Variants in RNF125 observed in about 807,000 individuals in gnomAD.
RNF125 encodes E3 ubiquitin-protein ligase RNF125.
Under a neutral mutation model 26.0 loss-of-function variants are expected in RNF125, and 21 were observed. The ratio of observed to expected loss-of-function variants is 0.81; its 90% CI spans 0.57 to 1.16. The LOEUF (loss-of-function observed/expected upper bound fraction) is 1.16, where lower values mean the gene tolerates loss of function less well. Among genes scored for constraint, RNF125 ranks in the 50% most tolerant of loss-of-function variants. The pLI, the probability that RNF125 is intolerant of heterozygous loss-of-function variation, is 0.00. For missense variants in RNF125, 270 were observed against 299.4 expected (o/e 0.90, Z 0.72); for synonymous variants, 95 against 109.2 (o/e 0.87, Z 0.81).
At chr18:32,074,796 G>A (rs1388041119), downstream of RNF125, among the ~76,000 whole-genome samples, 1 of 152,178 alleles carries the variant, frequency 6.6e-6, no homozygotes, top group Non-Finnish European at 1.5e-5. Flanking sequence ...GCCTGCCTTG[G>A]CCTCCCAAAG....
intron 4 of RNF125, among the ~76,000 whole-genome samples, chr18:32,064,559 TCACA>T (rs34510070): frequency 1.3e-5 from 2 of 150,296 alleles, no homozygotes; most frequent in Admixed American, 6.7e-5. Context: ...CCAAACTATA[TCACA>T]CACACACACA....
downstream of RNF125, among the ~76,000 whole-genome samples, chr18:32,075,065 T>C (rs903942206): frequency 2.6e-5 from 4 of 152,236 alleles, no homozygotes; most frequent in African/African-American, 9.6e-5. Flanking sequence ...ATACTTGTTA[T>C]AATTACACTT....
At chr18:32,089,390 G>A in the RNF125 span, among the ~76,000 whole-genome samples, 1 of 152,194 alleles carries the variant, frequency 6.6e-6, no homozygotes, top group Non-Finnish European at 1.5e-5. Context: ...GAAGCCCACT[G>A]AGAGGGACTG....
chr18:32,027,867 CT>C (rs1236030466), intron 1 of RNF125, among the ~76,000 whole-genome samples: 1 of 151,784 alleles, frequency 6.6e-6, no homozygotes, highest in East Asian at 1.9e-4. Context: ...ATGCTTGATG[CT>C]TTTATACTTG....
intron 4 of RNF125, among the ~76,000 whole-genome samples, chr18:32,047,618 A>C (rs2039284677): frequency 6.6e-6 from 1 of 152,230 alleles, no homozygotes; most frequent in Admixed American, 6.5e-5. Flanking sequence ...ACAAATATAA[A>C]ATGATACTTT....
intron 1 of RNF125, among the ~76,000 whole-genome samples, chr18:32,022,463 GA>G (rs1464493943): frequency 1.3e-5 from 2 of 152,120 alleles, no homozygotes; most frequent in African/African-American, 2.4e-5. Flanking sequence ...AACAAGGGGG[GA>G]AAAGCTTACA....
At position 32,059,586 on chromosome 18, in the gene RNF125, A is replaced by G. The variant is rs537314911; in HGVS notation, c.505-6316A>G. 2.8e-3 allele frequency among the ~76,000 whole-genome samples: 419 copies of G among 152,100 alleles called. 2 individuals carry two copies. Among genetic ancestry groups the G allele is most frequent in the African/African-American group, 9.8e-3 (407 of 41,484 alleles). On this transcript the variant is annotated intron_variant, in intron 4 of 5. Coordinates refer to ENST00000217740, the MANE Select transcript of RNF125 (RefSeq NM_017831.4). Reference sequence around the variant, plus strand: ...ATTCTGTGGGTTGTCTCTTCACTTTATTGATTGTTTCCTTTGCTGTGCTGA... The same window carrying G: ...ATTCTGTGGGTTGTCTCTTCACTTTGTTGATTGTTTCCTTTGCTGTGCTGA...
intron 1 of RNF125, among the ~76,000 whole-genome samples, chr18:32,029,573 T>G (rs1315944965): frequency 6.6e-6 from 1 of 151,802 alleles, no homozygotes; most frequent in East Asian, 1.9e-4. Context: ...TGAGCAGTGA[T>G]TGCACCACTG....
intron 1 of RNF125, among the ~76,000 whole-genome samples, chr18:32,033,327 C>T (rs2039117797): frequency 6.6e-6 from 1 of 152,136 alleles, no homozygotes; most frequent in African/African-American, 2.4e-5. Context: ...GAAGGGAACA[C>T]CAGCCTGGCC....
At chr18:32,047,735 C>T (rs967719171) in intron 4 of RNF125, among the ~76,000 whole-genome samples, 4 of 151,928 alleles carry the variant, frequency 2.6e-5, no homozygotes, top group African/African-American at 9.7e-5. Context: ...GGGTTTTTTC[C>T]ATAAAATCCT....
the RNF125 span, among the ~76,000 whole-genome samples, chr18:32,090,685 TGATA>T: frequency 6.6e-6 from 1 of 152,238 alleles, no homozygotes; most frequent in Non-Finnish European, 1.5e-5. Context: ...TCTCTCATTC[TGATA>T]GATATGTAAT....
intron 4 of RNF125, among the ~76,000 whole-genome samples, chr18:32,053,530 C>T (rs1306760604): frequency 4.6e-5 from 7 of 152,014 alleles, no homozygotes; most frequent in Admixed American, 1.3e-4. Context: ...GTAATCCCAG[C>T]ACTTTGGAAG....
At chr18:32,045,191 A>T in intron 3 of RNF125, among the ~76,000 whole-genome samples, 1 of 152,016 alleles carries the variant, frequency 6.6e-6, no homozygotes, top group Admixed American at 6.6e-5. Flanking sequence ...CCTTATGTAC[A>T]CTTAGGAATA....
the RNF125 span, among the ~76,000 whole-genome samples, chr18:32,084,307 A>T: frequency 6.6e-6 from 1 of 152,306 alleles, no homozygotes; most frequent in Admixed American, 6.5e-5. Flanking sequence ...GTGAGCCGAG[A>T]TAGTGCCACT....
At chr18:32,051,505 T>C (rs915463701) in intron 4 of RNF125, among the ~76,000 whole-genome samples, 4 of 149,926 alleles carry the variant, frequency 2.7e-5, no homozygotes, top group Admixed American at 2.0e-4. Flanking sequence ...TAATCTCAGC[T>C]ACTCAGGAGG....
At chr18:32,082,364 T>C in the RNF125 span, among the ~76,000 whole-genome samples, 1 of 152,060 alleles carries the variant, frequency 6.6e-6, no homozygotes, top group Admixed American at 6.6e-5. Context: ...ACACACATCA[T>C]ATATATTATA....
At position 32,062,306 on chromosome 18, in the gene RNF125, G is replaced by A. The variant is rs779247544; in HGVS notation, c.505-3596G>A. Reference sequence around the variant, plus strand: ...TGGATGAACAAATTTCTATAAGCAGGTTCCTTCTCCCACACTACAAATATT... The same window carrying A: ...TGGATGAACAAATTTCTATAAGCAGATTCCTTCTCCCACACTACAAATATT... On this transcript the variant is annotated intron_variant, in intron 4 of 5. Coordinates refer to ENST00000217740, the MANE Select transcript of RNF125 (RefSeq NM_017831.4). Among the ~76,000 whole-genome samples the A allele has an allele frequency of 3.3e-5, 5 of 152,234 alleles. No homozygotes were observed. The South Asian group carries it at 6.2e-4, about 19-fold the overall frequency.
rs147446192 is a variant in RNF125 at position 32,026,163 on chromosome 18, C to T, written c.164+7136C>T. ...CACTGCAACCTCCGCCTCCTGGGTT[C>T]AAGCGATTCTCGTGCCTCAGCCTAA... On this transcript the variant is annotated intron_variant, in intron 1 of 5. Coordinates refer to ENST00000217740, the MANE Select transcript of RNF125 (RefSeq NM_017831.4). Among the ~76,000 whole-genome samples, 359 of 147,506 alleles carry T rather than the reference C, an allele frequency of 2.4e-3. 1 individual carries two copies. Among genetic ancestry groups the T allele is most frequent in the African/African-American group, 8.6e-3 (346 of 40,018 alleles).
At chr18:32,057,930 T>G (rs1309534305) in intron 4 of RNF125, among the ~76,000 whole-genome samples, 1 of 152,018 alleles carries the variant, frequency 6.6e-6, no homozygotes, top group East Asian at 1.9e-4. Context: ...GTGACAATGC[T>G]GCTGGTCTGA....
Sources: gnomAD v4.1 joint callset for allele counts (sites outside exome capture counted in the v4.1 genomes callset) on GRCh38, gnomAD v4.1.1 for gene constraint, MANE v1.5 for transcripts, NCBI Gene and HGNC (gene_info 2026-07-23, HGNC 2026-07-21) for gene names.